The following ANKRD36B variants were observed in gnomAD, a reference collection of about 807,000 sequenced individuals.
ANKRD36B encodes ankyrin repeat domain-containing protein 36B.
Under a neutral mutation model 135.7 loss-of-function variants are expected in ANKRD36B, and 37 were observed. That is an observed-to-expected ratio of 0.27 (90% CI 0.21 to 0.36). The LOEUF is 0.36. Ranked by LOEUF, ANKRD36B falls within the 10% of genes least tolerant of loss-of-function variation. ANKRD36B has a pLI of 1.00. For synonymous variants in ANKRD36B, 179 were observed against 348.1 expected (o/e 0.51, Z 5.41); for missense variants, 549 against 1,037.1 (o/e 0.53, Z 6.46).
At chr2:97,573,215 C>T (rs2082003326) in intron 6 of ANKRD36B, among the ~76,000 whole-genome samples, 1 of 152,130 alleles carries the variant, frequency 6.6e-6, no homozygotes, top group Admixed American at 6.5e-5. Flanking sequence ...TTTCCAGCTT[C>T]ATCCATGTCC....
intron 6 of ANKRD36B, among the ~76,000 whole-genome samples, chr2:97,563,437 C>T (rs199998856): frequency 0.48 from 72,120 of 150,672 alleles, 20,703 homozygotes; most frequent in Non-Finnish European, 0.65. Context: ...AAAATACACA[C>T]ACACACACAC....
chr2:97,586,623 T>C (rs2083018076), intron 1 of ANKRD36B, among the ~76,000 whole-genome samples: 1 of 152,308 alleles, frequency 6.6e-6, no homozygotes, highest in Non-Finnish European at 1.5e-5. Flanking sequence ...GGAAGTTTAT[T>C]GTGAAAAAAA....
At chr2:97,565,065 C>T (rs915550825) in intron 6 of ANKRD36B, among the ~76,000 whole-genome samples, 30 of 151,534 alleles carry the variant, frequency 2.0e-4, no homozygotes, top group African/African-American at 6.5e-4. Context: ...TTGTAGTTCT[C>T]CTTAAAGAGG....
At chr2:97,553,322 C>T (rs746567910) in intron 15 of ANKRD36B, 21 bp downstream of exon 15, 13 of 1,609,320 alleles carry the variant, frequency 8.1e-6, no homozygotes, top group East Asian at 2.2e-5. Context: ...TAGTTCACAA[C>T]ATAAATGAGA....
chr2:97,587,900 T>C (rs2442308), intron 1 of ANKRD36B, among the ~76,000 whole-genome samples: 26 of 152,008 alleles, frequency 1.7e-4, no homozygotes, highest in Non-Finnish European at 2.5e-4. Flanking sequence ...GTTGCTTGAA[T>C]ATCTGAAAAA....
Position 97,523,644 on chromosome 2 carries a change from C to T in ANKRD36B, c.2266-177G>A, listed in dbSNP as rs1297203000. Among the ~76,000 whole-genome samples the T allele has an allele frequency of 8.1e-5, 7 of 86,832 alleles. 3 individuals carry two copies. The highest frequency in any genetic ancestry group is 2.1e-4 in the Non-Finnish European group (7 of 32,958). The allele number at this position is 86,832 out of a possible 152,430, so 57.0% of individuals were successfully genotyped here. A position where few individuals can be genotyped will look rare whatever the true frequency, so the allele number is the denominator to read the frequency against. ...ACTCTAGTTCAGAAGACCACATGGT[C>T]TATGGATAAATTAGTTTCCCAGTTC... On this transcript the variant is annotated intron_variant, in intron 35 of 43. Transcript: ENST00000359901.
At chr2:97,563,900 G>A (rs2081236940) in intron 6 of ANKRD36B, among the ~76,000 whole-genome samples, 1 of 152,076 alleles carries the variant, frequency 6.6e-6, no homozygotes, top group Non-Finnish European at 1.5e-5. Flanking sequence ...AACATGAAGA[G>A]AGCATAATTA....
At chr2:97,577,736 T>C (rs1422220369) in intron 5 of ANKRD36B, among the ~76,000 whole-genome samples, 5 of 144,852 alleles carry the variant, frequency 3.5e-5, no homozygotes, top group South Asian at 2.1e-4. Flanking sequence ...TCCTGTGAAA[T>C]AGAATCCGAA....
chr2:97,587,092 T>C (rs1329175359), intron 1 of ANKRD36B, among the ~76,000 whole-genome samples: 1 of 152,146 alleles, frequency 6.6e-6, no homozygotes, highest in Non-Finnish European at 1.5e-5. Context: ...GGAGAATCAC[T>C]TGAACCTGAG....
intron 22 of ANKRD36B, 181 bp downstream of exon 22, chr2:97,547,355 C>T (rs556907622): frequency 3.4e-5 from 25 of 737,080 alleles, no homozygotes; most frequent in South Asian, 2.6e-4. Context: ...AACCTTACTG[C>T]GAAGATCATG....
rs556864110 is a variant in ANKRD36B at position 97,528,444 on chromosome 2, G to A, written c.2265+3867C>T. On this transcript the variant is annotated intron_variant, in intron 35 of 43. Coordinates refer to ENST00000359901, the MANE Select transcript of ANKRD36B (RefSeq NM_001393939.1). The stretch of plus-strand genomic sequence containing the variant: ...TTTATAGCACTAAATGCCCACAAGA[G>A]AAAGCAGGAAAGATCCAAAATTGAC... Among the ~76,000 whole-genome samples, 2 of 93,136 alleles carry A rather than the reference G, an allele frequency of 2.1e-5. 1 individual carries two copies. Among genetic ancestry groups the A allele is most frequent in the East Asian group, 4.7e-4 (2 of 4,228 alleles). The allele number at this position is 93,136 out of a possible 152,430, so 61.1% of individuals were successfully genotyped here.
intron 6 of ANKRD36B, among the ~76,000 whole-genome samples, chr2:97,575,113 C>T (rs910430131): frequency 8.6e-5 from 13 of 151,774 alleles, no homozygotes; most frequent in African/African-American, 3.1e-4. Flanking sequence ...TTAAAATTCT[C>T]ACTTTTTTTA....
chr2:97,563,454 A>G (rs889483834), intron 6 of ANKRD36B, among the ~76,000 whole-genome samples: 13 of 151,372 alleles, frequency 8.6e-5, no homozygotes, highest in Non-Finnish European at 1.9e-4. Context: ...ACACACACAC[A>G]TTCACACACA....
At chr2:97,553,098 T>C (rs1412749063) in intron 16 of ANKRD36B, 70 bp downstream of exon 16, 1 of 1,543,850 alleles carries the variant, frequency 6.5e-7, no homozygotes, top group Non-Finnish European at 8.8e-7. Flanking sequence ...CCTGCGCTGA[T>C]TTATTAGGGG....
At chr2:97,585,235 G>A in intron 2 of ANKRD36B, 49 bp downstream of exon 2, 1 of 1,564,892 alleles carries the variant, frequency 6.4e-7, no homozygotes, top group Non-Finnish European at 8.7e-7. Context: ...TTTATCCTAT[G>A]TACTTCAACC....
At chr2:97,569,094 A>C (rs1351065258) in intron 6 of ANKRD36B, among the ~76,000 whole-genome samples, 2 of 152,158 alleles carry the variant, frequency 1.3e-5, no homozygotes, top group African/African-American at 2.4e-5. Flanking sequence ...ATCTGGACCC[A>C]TCTCACAGAA....
Position 97,551,523 on chromosome 2 carries a change from G to C in ANKRD36B, c.1274-43C>G, listed in dbSNP as rs1001707605. 3 of 1,605,832 alleles carry C rather than the reference G, an allele frequency of 1.9e-6. No homozygotes were observed. The African/African-American group carries it at 4.0e-5, about 22-fold the overall frequency. On this transcript the variant is annotated intron_variant, in intron 16 of 43. Coordinates refer to ENST00000359901, the MANE Select transcript of ANKRD36B (RefSeq NM_001393939.1). ...TACATAATCACTCATATGTAACTATGACAAAGTTATCCATACATTCATGCA... is the reference window on the plus strand; with the variant it reads ...TACATAATCACTCATATGTAACTATCACAAAGTTATCCATACATTCATGCA...
At chr2:97,562,609 T>C (rs2081127653) in intron 6 of ANKRD36B, among the ~76,000 whole-genome samples, 1 of 152,024 alleles carries the variant, frequency 6.6e-6, no homozygotes, top group African/African-American at 2.4e-5. Context: ...CTGCTTTCTT[T>C]GTTTACACCT....
rs1342497938 is a variant in ANKRD36B at position 97,555,040 on chromosome 2, A to C, written c.1171+20T>G. The C allele has an allele frequency of 6.2e-7, 1 of 1,610,574 alleles. No individual in the cohort carries two copies. The highest frequency in any genetic ancestry group is 8.5e-7 in the Non-Finnish European group (1 of 1,177,950). On this transcript the variant is annotated intron_variant, in intron 14 of 43. Coordinates refer to ENST00000359901, the MANE Select transcript of ANKRD36B (RefSeq NM_001393939.1). ...TCTATCTGGACTGAACATGACATTAAATGTGTTTTGCAAAATTACCTGTCC... is the reference window on the plus strand; with the variant it reads ...TCTATCTGGACTGAACATGACATTACATGTGTTTTGCAAAATTACCTGTCC...
Sources: allele counts gnomAD v4.1 joint callset (sites outside exome capture counted in the v4.1 genomes callset), GRCh38; gene constraint gnomAD v4.1.1; transcripts MANE v1.5; gene names NCBI Gene and HGNC (gene_info 2026-07-23, HGNC 2026-07-21).